The following COL13A1 variants were observed in gnomAD, a reference collection of about 807,000 sequenced individuals.
The protein encoded by COL13A1 is collagen alpha-1(XIII) chain.
In COL13A1, 89 loss-of-function variants were observed where a neutral mutation model predicts 130.9. The ratio of observed to expected loss-of-function variants is 0.68; its 90% CI spans 0.57 to 0.81. COL13A1 has a LOEUF of 0.81. Ranked by LOEUF, COL13A1 falls within the 30% of genes least tolerant of loss-of-function variation. COL13A1 has a pLI of 0.00. For missense variants in COL13A1, 879 were observed against 934.6 expected (o/e 0.94, Z 0.78); for synonymous variants, 402 against 341.6 (o/e 1.18, Z -1.95).
At chr10:69,821,038 A>G (rs1409521410) in intron 1 of COL13A1, among the ~76,000 whole-genome samples, 1 of 152,224 alleles carries the variant, frequency 6.6e-6, no homozygotes, top group African/African-American at 2.4e-5. Context: ...ATTTCACAGT[A>G]GTGAGGAAGC....
intron 21 of COL13A1, 113 bp from the exon 22 acceptor site, chr10:69,921,769 G>C: frequency 7.3e-7 from 1 of 1,374,476 alleles, no homozygotes; most frequent in South Asian, 1.2e-5. Context: ...TGGGGGCAGG[G>C]GCACCGAGGC....
At chr10:69,855,340 C>T (rs912796328) in intron 2 of COL13A1, among the ~76,000 whole-genome samples, 1 of 152,154 alleles carries the variant, frequency 6.6e-6, no homozygotes, top group Non-Finnish European at 1.5e-5. Flanking sequence ...GTTACACATG[C>T]ACGCCTTCAC....
intron 38 of COL13A1, among the ~76,000 whole-genome samples, chr10:69,949,971 T>TGC (rs2069210800): frequency 6.6e-6 from 1 of 151,746 alleles, no homozygotes; most frequent in South Asian, 2.1e-4. Flanking sequence ...TGTGCGTGTG[T>TGC]GTGTGTGTGT....
chr10:69,837,087 GT>G (rs1850294441), intron 2 of COL13A1, among the ~76,000 whole-genome samples: 1 of 152,154 alleles, frequency 6.6e-6, no homozygotes, highest in African/African-American at 2.4e-5. Context: ...CGGCTCCAGG[GT>G]GCCCAGGGCC....
At chr10:69,882,362 A>G (rs573070323) in intron 7 of COL13A1, among the ~76,000 whole-genome samples, 1 of 152,380 alleles carries the variant, frequency 6.6e-6, no homozygotes, top group East Asian at 1.9e-4. Context: ...AGGTGTGTTC[A>G]GGGCAGTAGA....
chr10:69,851,085 C>T (rs1272898193), intron 2 of COL13A1, among the ~76,000 whole-genome samples: 2 of 152,242 alleles, frequency 1.3e-5, no homozygotes, highest in Non-Finnish European at 2.9e-5. Flanking sequence ...GGCTCCATCT[C>T]CGCCTTCACT....
intron 5 of COL13A1, among the ~76,000 whole-genome samples, chr10:69,876,990 C>A (rs572984670): frequency 6.6e-6 from 1 of 152,168 alleles, no homozygotes; most frequent in Admixed American, 6.5e-5. Context: ...CAGGAAGTGT[C>A]CACACTTCCC....
At chr10:69,822,628 C>G (rs1846383394) in intron 2 of COL13A1, among the ~76,000 whole-genome samples, 190 bp downstream of exon 2, 1 of 152,210 alleles carries the variant, frequency 6.6e-6, no homozygotes, top group African/African-American at 2.4e-5. Flanking sequence ...TCCATCAGTC[C>G]ACCCACCATT....
chr10:69,902,092 G>GCAGC (rs1199525362), intron 14 of COL13A1, among the ~76,000 whole-genome samples: 9 of 152,210 alleles, frequency 5.9e-5, no homozygotes, highest in African/African-American at 1.9e-4. Context: ...CACTTAACAG[G>GCAGC]CAGCCACTCC....
At chr10:69,830,244 C>T (rs1848495767) in intron 2 of COL13A1, among the ~76,000 whole-genome samples, 1 of 152,326 alleles carries the variant, frequency 6.6e-6, no homozygotes, top group Non-Finnish European at 1.5e-5. Context: ...GAGAGAAATG[C>T]TCGTCTGTGC....
At chr10:69,925,071 G>T in intron 25 of COL13A1, 64 bp downstream of exon 25, 1 of 1,433,188 alleles carries the variant, frequency 7.0e-7, no homozygotes, top group South Asian at 1.5e-5. Flanking sequence ...AAGCATCTGA[G>T]ACAGGTCTCA....
At chr10:69,817,328 G>C (rs1287404042) in intron 1 of COL13A1, among the ~76,000 whole-genome samples, 1 of 151,834 alleles carries the variant, frequency 6.6e-6, no homozygotes, top group African/African-American at 2.4e-5. Flanking sequence ...GGCAGGCGCA[G>C]ATGCAGATGG....
At chr10:69,923,921 C>T (rs896593359) in intron 24 of COL13A1, 66 bp downstream of exon 24, 42 of 1,565,382 alleles carry the variant, frequency 2.7e-5, no homozygotes, top group South Asian at 3.5e-5. Flanking sequence ...AGAATCATCC[C>T]GGCCGACCCT....
At chr10:69,935,231 G>A in intron 31 of COL13A1, 119 bp from the exon 32 acceptor site, 2 of 829,144 alleles carry the variant, frequency 2.4e-6, no homozygotes, top group Non-Finnish European at 4.0e-6. Context: ...GGCAGTCACT[G>A]GCTGACCTCC....
intron 1 of COL13A1, among the ~76,000 whole-genome samples, chr10:69,815,592 GGA>G (rs974495692): frequency 6.6e-6 from 1 of 152,150 alleles, no homozygotes; most frequent in Admixed American, 6.5e-5. Context: ...AGCTGGCTTT[GGA>G]GAGAGAGTAC....
chr10:69,922,883 T>A (rs2064869414), intron 23 of COL13A1, 89 bp downstream of exon 23: 1 of 825,154 alleles, frequency 1.2e-6, no homozygotes, highest in African/African-American at 1.8e-5. Flanking sequence ...GTCCCGGACA[T>A]CCCGCCTTCT....
At chr10:69,933,712 T>A (rs993003701) in intron 31 of COL13A1, among the ~76,000 whole-genome samples, 1 of 152,204 alleles carries the variant, frequency 6.6e-6, no homozygotes, top group Non-Finnish European at 1.5e-5. Context: ...AAAAGCATTA[T>A]ACGCACATTG....
chr10:69,835,974 A>T (rs950714111), intron 2 of COL13A1, among the ~76,000 whole-genome samples: 1 of 152,248 alleles, frequency 6.6e-6, no homozygotes, highest in African/African-American at 2.4e-5. Context: ...CTGGGGCCCA[A>T]AGAAGTTCTG....
intron 17 of COL13A1, among the ~76,000 whole-genome samples, chr10:69,912,922 T>C (rs985215066): frequency 5.9e-5 from 9 of 152,218 alleles, no homozygotes; most frequent in Admixed American, 2.0e-4. Context: ...CTGTAAAGGA[T>C]GCATCCTCCC....
Sources: gnomAD v4.1 joint callset for allele counts (sites outside exome capture counted in the v4.1 genomes callset) on GRCh38, gnomAD v4.1.1 for gene constraint, MANE v1.5 for transcripts, NCBI Gene and HGNC (gene_info 2026-07-23, HGNC 2026-07-21) for gene names.